Variants in MYOF observed in about 807,000 individuals in gnomAD.
MYOF encodes myoferlin, also known as fer-1-like 3, myoferlin.
A neutral mutation model predicts 284.2 loss-of-function variants in MYOF; 244 were observed. The observed-to-expected ratio is 0.86, with a 90% CI of 0.77 to 0.95. The LOEUF (loss-of-function observed/expected upper bound fraction) is 0.95, where lower values mean the gene tolerates loss of function less well. Ranked by LOEUF, MYOF falls within the 40% of genes least tolerant of loss-of-function variation. The probability of loss-of-function intolerance (pLI) is 0.00; values close to 1 mark genes in which losing one functional copy is unlikely to be tolerated. For missense variants in MYOF, 2,496 were observed against 2,560.6 expected (o/e 0.97, Z 0.54); for synonymous variants, 904 against 919.7 (o/e 0.98, Z 0.31).
intron 7 of MYOF, among the ~76,000 whole-genome samples, chr10:93,405,306 C>CA (rs1366251003): frequency 1.3e-5 from 2 of 152,172 alleles, no homozygotes; most frequent in Non-Finnish European, 2.9e-5. Flanking sequence ...ATCATCCCTA[C>CA]AAAAAAACTT....
chr10:93,339,013 C>CTTTTTTTTT (rs59509598), intron 39 of MYOF, among the ~76,000 whole-genome samples: 7 of 131,390 alleles, frequency 5.3e-5, no homozygotes, highest in African/African-American at 2.0e-4. Context: ...AAGGCTACCA[C>CTTTTTTTTT]TTTTTTTTTT....
chr10:93,319,841 C>G lies in MYOF; in HGVS notation c.5598+31G>C, dbSNP rs377215291. 2.5e-6 allele frequency: 4 copies of G among 1,613,218 alleles called. No homozygotes were observed. The South Asian group carries it at 3.3e-5, about 13-fold the overall frequency. On this transcript the variant is annotated intron_variant, in intron 49 of 53. Transcript: ENST00000359263. The stretch of plus-strand genomic sequence containing the variant: ...CTGAGTTAAGGAAGATCCATGATAC[C>G]CACTTCCCAGCGGCATATTTCAGAG...
chr10:93,478,825 CAAAAA>C (rs796689657), intron 1 of MYOF, among the ~76,000 whole-genome samples: 35 of 103,528 alleles, frequency 3.4e-4, no homozygotes, highest in South Asian at 7.5e-4. Flanking sequence ...GAAACAGTCT[CAAAAA>C]AAAAAAAAAA....
chr10:93,387,492 A>G (rs1807997646), intron 19 of MYOF, among the ~76,000 whole-genome samples: 2 of 152,178 alleles, frequency 1.3e-5, no homozygotes, highest in South Asian at 4.1e-4. Flanking sequence ...GAAAATGGAA[A>G]TGAGTAGAGG....
chr10:93,413,882 A>G (rs1291493266), intron 5 of MYOF, among the ~76,000 whole-genome samples: 1 of 151,990 alleles, frequency 6.6e-6, no homozygotes, highest in East Asian at 1.9e-4. Context: ...AGTCTGAGCT[A>G]TTCGGGAGGC....
chr10:93,418,229 T>A (rs1848214047), intron 5 of MYOF, among the ~76,000 whole-genome samples: 1 of 152,218 alleles, frequency 6.6e-6, no homozygotes, highest in Non-Finnish European at 1.5e-5. Context: ...TGATATCATA[T>A]TATCTTCAGT....
chr10:93,404,289 A>AT (rs1298104646), intron 7 of MYOF, 70 bp from the exon 8 acceptor site: 41 of 1,508,734 alleles, frequency 2.7e-5, no homozygotes, highest in Non-Finnish European at 3.7e-5. Flanking sequence ...TGATACTATA[A>AT]TTTTGGGGGC....
rs1398518411 is a variant in MYOF at position 93,332,058 on chromosome 10, A to G, written c.4811+1163T>C. Among the ~76,000 whole-genome samples, 3 of 151,900 alleles carry G rather than the reference A, an allele frequency of 2.0e-5. No homozygotes were observed. In the East Asian group the frequency reaches 5.8e-4, roughly 29 times the overall value. The stretch of plus-strand genomic sequence containing the variant: ...AAATCTCGGCTCTATCACTTACCCC[A>G]CCTCTATTAATAGAGCTCTGGGAGC... On this transcript the variant is annotated intron_variant, in intron 43 of 53. Coordinates refer to ENST00000359263, the MANE Select transcript of MYOF (RefSeq NM_013451.4).
At chr10:93,315,704 A>G (rs1292667069) in intron 50 of MYOF, among the ~76,000 whole-genome samples, 1 of 152,174 alleles carries the variant, frequency 6.6e-6, no homozygotes, top group Non-Finnish European at 1.5e-5. Context: ...TTTAGGAGCC[A>G]TACTTTGTGG....
intron 7 of MYOF, among the ~76,000 whole-genome samples, chr10:93,407,103 T>C (rs114055924): frequency 0.018 from 2,721 of 152,192 alleles, 96 homozygotes; most frequent in African/African-American, 0.06. Context: ...AGGAGTGTTA[T>C]AAAAGAGGGC....
chr10:93,353,603 A>G (rs900560368), intron 32 of MYOF, among the ~76,000 whole-genome samples: 6 of 152,196 alleles, frequency 3.9e-5, no homozygotes, highest in Non-Finnish European at 5.9e-5. Context: ...AGTATCTTCT[A>G]TGTATTACTA....
chr10:93,352,374 G>A (rs1844565845), intron 32 of MYOF, among the ~76,000 whole-genome samples: 1 of 152,166 alleles, frequency 6.6e-6, no homozygotes, highest in African/African-American at 2.4e-5. Context: ...TATTATAGTT[G>A]TTTCTAATGT....
chr10:93,345,135 C>A (rs566990120), intron 37 of MYOF, among the ~76,000 whole-genome samples: 1 of 152,316 alleles, frequency 6.6e-6, no homozygotes, highest in Admixed American at 6.5e-5. Flanking sequence ...TGCTTAACCA[C>A]CCTGGCAATT....
intron 17 of MYOF, 41 bp downstream of exon 17, chr10:93,392,876 C>T: frequency 1.3e-6 from 2 of 1,554,412 alleles, no homozygotes; most frequent in African/African-American, 2.7e-5. Flanking sequence ...ATAATATTAG[C>T]TAGGAAGATA....
intron 7 of MYOF, among the ~76,000 whole-genome samples, chr10:93,406,288 T>TTACATATATATATATATATATATA (rs1847572696): frequency 3.4e-5 from 2 of 58,128 alleles, no homozygotes; most frequent in Non-Finnish European, 8.5e-5. Flanking sequence ...TAAACCTCTT[T>TTACATATATATATATATATATATA]TATATATATA....
chr10:93,380,637 G>T (rs1337519960), intron 20 of MYOF, among the ~76,000 whole-genome samples: 6 of 152,142 alleles, frequency 3.9e-5, no homozygotes, highest in Admixed American at 3.9e-4. Context: ...TTTCTATTAT[G>T]ATTTATTTTA....
intron 1 of MYOF, among the ~76,000 whole-genome samples, chr10:93,458,274 G>A (rs1050345712): frequency 2.0e-5 from 3 of 151,888 alleles, no homozygotes; most frequent in Non-Finnish European, 2.9e-5. Context: ...GATCCCTTGA[G>A]CCCAGGAGGT....
intron 1 of MYOF, among the ~76,000 whole-genome samples, chr10:93,470,071 A>G (rs1210882963): frequency 6.6e-6 from 1 of 151,888 alleles, no homozygotes; most frequent in Non-Finnish European, 1.5e-5. Flanking sequence ...TCTGCTAAAA[A>G]AACAAAAATT....
intron 1 of MYOF, among the ~76,000 whole-genome samples, chr10:93,477,498 A>G (rs28612976): frequency 6.6e-6 from 1 of 151,740 alleles, no homozygotes; most frequent in Non-Finnish European, 1.5e-5. Context: ...GTGTAAAAAA[A>G]GAAAAAAGAA....
Sources: allele counts gnomAD v4.1 joint callset (sites outside exome capture counted in the v4.1 genomes callset), GRCh38; gene constraint gnomAD v4.1.1; transcripts MANE v1.5; gene names NCBI Gene and HGNC (gene_info 2026-07-23, HGNC 2026-07-21).